Variants in ATIC observed in about 807,000 individuals in gnomAD.
ATIC encodes the protein 5-aminoimidazole-4-carboxamide ribonucleotide formyltransferase/IMP cyclohydrolase, also known as bifunctional purine biosynthesis protein ATIC.
Under a neutral mutation model 72.5 loss-of-function variants are expected in ATIC, and 64 were observed. The observed-to-expected ratio is 0.88, with a 90% confidence interval of 0.72 to 1.09. The LOEUF is 1.09. Among genes scored for constraint, ATIC ranks in the 50% least tolerant of loss-of-function variants. ATIC has a pLI of 0.00. For missense variants in ATIC, 787 were observed against 732.4 expected (o/e 1.07, Z -0.86); for synonymous variants, 281 against 267.1 (o/e 1.05, Z -0.51).
chr2:215,352,821 C>T (rs1224503262), downstream of ATIC, among the ~76,000 whole-genome samples: 1 of 151,840 alleles, frequency 6.6e-6, no homozygotes, highest in Non-Finnish European at 1.5e-5. Flanking sequence ...CCTGGTTTCT[C>T]CTCTTTAGAT....
At chr2:215,363,165 AAC>A in the ATIC span, 3 of 152,190 alleles carry the variant, frequency 2.0e-5, no homozygotes, top group African/African-American at 7.2e-5. Flanking sequence ...TGAGAAAGTG[AAC>A]AGTTTCCACT....
chr2:215,313,031 A>T (rs1004073522), intron 2 of ATIC, among the ~76,000 whole-genome samples: 3 of 147,974 alleles, frequency 2.0e-5, no homozygotes, highest in African/African-American at 7.3e-5. Context: ...TAGGAGGCGG[A>T]GGTTGTGGTG....
chr2:215,352,149 A>G (rs577370909), downstream of ATIC, among the ~76,000 whole-genome samples: 2 of 152,338 alleles, frequency 1.3e-5, no homozygotes, highest in Admixed American at 6.5e-5. Flanking sequence ...GGTAAAAACT[A>G]AGAAAATCTA....
chr2:215,345,977 A>G (rs1271277260), intron 13 of ATIC, among the ~76,000 whole-genome samples: 1 of 152,160 alleles, frequency 6.6e-6, no homozygotes, highest in Non-Finnish European at 1.5e-5. Context: ...TTCAACCCAT[A>G]GAAATAGAGG....
In ATIC at chr2:215,344,844, C is replaced by T. The variant is rs769223666; in HGVS notation, c.1293C>T (p.Asn431=). Residue 431 remains asparagine (N), a synonymous_variant, in exon 13 of 16, where the codon AAC becomes AAT. Coordinates refer to ENST00000236959, the MANE Select transcript of ATIC (RefSeq NM_004044.7). ...TTGCTGTCAAGTACACTCAGTCTAA[C>T]TCTGTGTGCTACGCCAAGAACGGGC... The part of the protein sequence containing the change: ...ATIAVKYTQS[N]SVCYAKNGQV... 4.3e-6 allele frequency: 7 copies of T among 1,613,950 alleles called. No individual in the cohort carries two copies. Among genetic ancestry groups the T allele is most frequent in the East Asian group, 2.2e-5 (1 of 44,882 alleles).
rs2053076451 is a variant in ATIC, at chr2:215,346,864, A to C, written c.1426A>C (p.Met476Leu). 18 of 1,614,230 alleles carry C rather than the reference A, an allele frequency of 1.1e-5. No homozygotes were observed. Among genetic ancestry groups the C allele is most frequent in the Non-Finnish European group, 1.5e-5 (18 of 1,180,042 alleles). ...WLRHHPQVLSMKFKTGVKRAE... is the reference protein window; with the variant it reads ...WLRHHPQVLSLKFKTGVKRAE... ...TAGACACCATCCACAAGTGCTTTCG[A>C]TGAAGTTTAAAACAGGAGTGAAGAG... Residue 476 changes from methionine (M) to leucine (L), a missense_variant, in exon 14 of 16, where the codon ATG becomes CTG. Physicochemically the swap from Met to Leu is conservative, Grantham distance 15 (BLOSUM62 2). Transcript: ENST00000236959.
rs201784955 is a variant in ATIC at position 215,317,957 on chromosome 2, ATAAAT to A, written c.147-194_147-190del. On this transcript the variant is annotated intron_variant, in intron 2 of 15. Coordinates refer to ENST00000236959, the MANE Select transcript of ATIC (RefSeq NM_004044.7). The stretch of plus-strand genomic sequence containing the variant: ...CCTGAACATACACAACAGTTAGGAA[ATAAAT>A]TAAATAAACTTTTTTTCGGAAGTAA... Among the ~76,000 whole-genome samples, 793 of 152,346 alleles carry A rather than the reference ATAAAT, an allele frequency of 5.2e-3. 6 individuals carry two copies. Among genetic ancestry groups the A allele is most frequent in the African/African-American group, 0.018 (753 of 41,586 alleles).
downstream of ATIC, chr2:215,349,883 A>C (rs1243714503): frequency 2.9e-6 from 2 of 695,506 alleles, no homozygotes; most frequent in Non-Finnish European, 4.7e-6. Flanking sequence ...AGCTCAGCCC[A>C]TCCCACAGCA....
chr2:215,312,727 T>G, intron 2 of ATIC, 103 bp downstream of exon 2: 1 of 1,531,252 alleles, frequency 6.5e-7, no homozygotes, highest in Non-Finnish European at 9.0e-7. Context: ...CTCCTCCCAG[T>G]AGCGCTGTGA....
downstream of ATIC, among the ~76,000 whole-genome samples, chr2:215,350,842 T>C (rs2053125163): frequency 6.6e-6 from 1 of 152,172 alleles, no homozygotes. Flanking sequence ...CCCTTTGCCA[T>C]TGTTCACCTT....
At chr2:215,326,438 C>T (rs1020232545) in intron 6 of ATIC, among the ~76,000 whole-genome samples, 1 of 151,976 alleles carries the variant, frequency 6.6e-6, no homozygotes, top group African/African-American at 2.4e-5. Flanking sequence ...AACCCTGTCT[C>T]TACTGAAAAT....
rs756100213 is a variant in ATIC at position 215,344,788 on chromosome 2, T to A, written c.1237T>A (p.Ser413Thr). 6.2e-7 allele frequency: 1 copy of A among 1,613,808 alleles called. No individual in the cohort carries two copies. Among genetic ancestry groups the A allele is most frequent in the Non-Finnish European group, 8.5e-7 (1 of 1,179,918 alleles). The change falls in exon 13 of 16, where the codon TCT becomes ACT. Residue 413 changes from serine to threonine, a missense_variant. Transcript: ENST00000236959. ...TGTGTATGTGTTTCAGTTGCCAGAG[T>A]CTGCCCTCCGAGACCTCATCGTAGC... ...VVTKNKDLPE[S>T]ALRDLIVATI...
intron 7 of ATIC, among the ~76,000 whole-genome samples, chr2:215,331,266 A>G (rs1476099580): frequency 1.3e-5 from 2 of 152,036 alleles, no homozygotes; most frequent in East Asian, 3.9e-4. Context: ...ATGTATCCTG[A>G]ATACCTAGAA....
At chr2:215,315,826 G>A (rs2052702372) in intron 2 of ATIC, among the ~76,000 whole-genome samples, 1 of 151,464 alleles carries the variant, frequency 6.6e-6, no homozygotes, top group South Asian at 2.1e-4. Flanking sequence ...GTGGTGGCGT[G>A]CACCTGTAAT....
At chr2:215,364,682 TAGAA>T in the ATIC span, 8 of 616,050 alleles carry the variant, frequency 1.3e-5, no homozygotes, top group Admixed American at 5.1e-5. Context: ...CTAAGAGTAA[TAGAA>T]AGAATGAATG....
chr2:215,321,977 C>T (rs1260435939), intron 4 of ATIC, among the ~76,000 whole-genome samples: 2 of 152,106 alleles, frequency 1.3e-5, no homozygotes, highest in South Asian at 2.1e-4. Context: ...CATCTTGGCT[C>T]ACTGCAACCT....
intron 11 of ATIC, among the ~76,000 whole-genome samples, chr2:215,337,377 AT>A (rs1337383477): frequency 6.6e-6 from 1 of 151,032 alleles, no homozygotes; most frequent in Non-Finnish European, 1.5e-5. Flanking sequence ...GTTAATACTT[AT>A]TTTTTTTTAG....
chr2:215,339,218 T>C (rs982322496), intron 12 of ATIC, among the ~76,000 whole-genome samples: 3 of 152,192 alleles, frequency 2.0e-5, no homozygotes, highest in Admixed American at 1.3e-4. Flanking sequence ...CAAATGTGTT[T>C]TTATATCAAT....
chr2:215,312,760 T>G, intron 2 of ATIC, 136 bp downstream of exon 2: 2 of 1,358,628 alleles, frequency 1.5e-6, no homozygotes, highest in Non-Finnish European at 2.0e-6. Context: ...ACTTCCCCAC[T>G]TTATGGGGAA....
Sources: allele counts gnomAD v4.1 joint callset (sites outside exome capture counted in the v4.1 genomes callset), GRCh38; gene constraint gnomAD v4.1.1; transcripts MANE v1.5; gene names NCBI Gene and HGNC (gene_info 2026-07-23, HGNC 2026-07-21).